The following SGCZ variants were observed in gnomAD, a reference collection of about 807,000 sequenced individuals.
SGCZ encodes the protein zeta-sarcoglycan.
SGCZ carries 40 observed loss-of-function variants against 41.3 expected under a neutral mutation model. That is an observed-to-expected ratio of 0.97 (90% CI 0.75 to 1.26). The LOEUF (loss-of-function observed/expected upper bound fraction) is 1.26. Ranked by LOEUF, SGCZ falls within the 50% of genes most tolerant of loss-of-function variation. The pLI, the probability that SGCZ is intolerant of heterozygous loss-of-function variation, is 0.00. For synonymous variants in SGCZ, 206 were observed against 137.5 expected, an observed-to-expected ratio of 1.50 and a Z score of -3.49; for missense variants, 552 against 369.8, an observed-to-expected ratio of 1.49 and a Z score of -4.04.
At chr8:15,086,761 G>T (rs1188175019) in intron 1 of SGCZ, among the ~76,000 whole-genome samples, 1 of 151,886 alleles carries the variant, frequency 6.6e-6, no homozygotes, top group Non-Finnish European at 1.5e-5. Context: ...CAAATATAAG[G>T]ATTCTTTACA....
intron 1 of SGCZ, among the ~76,000 whole-genome samples, chr8:14,634,026 T>C (rs1806746227): frequency 1.3e-5 from 2 of 151,878 alleles, no homozygotes; most frequent in Non-Finnish European, 2.9e-5. Context: ...TTTCCAGAAA[T>C]CTTGACAAAG....
intron 1 of SGCZ, among the ~76,000 whole-genome samples, chr8:15,019,456 CT>C (rs1428479782): frequency 1.3e-5 from 2 of 152,096 alleles, no homozygotes; most frequent in Admixed American, 6.5e-5. Context: ...AATTGTGCAG[CT>C]CTCTTTCCTC....
chr8:14,739,485 T>G (rs535685282), intron 1 of SGCZ, among the ~76,000 whole-genome samples: 1 of 152,200 alleles, frequency 6.6e-6, no homozygotes, highest in African/African-American at 2.4e-5. Flanking sequence ...CATTTTGGAA[T>G]ATAGAGTTTA....
intron 2 of SGCZ, among the ~76,000 whole-genome samples, chr8:14,553,061 A>G (rs932059573): frequency 3.9e-5 from 6 of 152,056 alleles, no homozygotes; most frequent in Non-Finnish European, 8.8e-5. Flanking sequence ...AGCAACTGAT[A>G]GTCTGGTTGC....
chr8:14,964,286 T>C (rs1034204306), intron 1 of SGCZ, among the ~76,000 whole-genome samples: 3 of 152,208 alleles, frequency 2.0e-5, no homozygotes, highest in Non-Finnish European at 4.4e-5. Flanking sequence ...TGTTCTGTCA[T>C]ATCACAAGAC....
intron 2 of SGCZ, among the ~76,000 whole-genome samples, chr8:14,447,372 T>C (rs1800462625): frequency 6.6e-6 from 1 of 152,166 alleles, no homozygotes; most frequent in African/African-American, 2.4e-5. Flanking sequence ...AATATGTTAC[T>C]TGGGTAAAAA....
intron 2 of SGCZ, among the ~76,000 whole-genome samples, chr8:14,366,853 C>T (rs1473991128): frequency 6.6e-6 from 1 of 152,096 alleles, no homozygotes; most frequent in African/African-American, 2.4e-5. Context: ...CCTTTTTTCC[C>T]TCCTAGGCCT....
At chr8:14,934,548 G>C (rs1455208876) in intron 1 of SGCZ, among the ~76,000 whole-genome samples, 1 of 151,592 alleles carries the variant, frequency 6.6e-6, no homozygotes, top group African/African-American at 2.4e-5. Context: ...AAAATACGAA[G>C]ACTACATTTC....
intron 1 of SGCZ, among the ~76,000 whole-genome samples, chr8:14,598,533 CTT>C (rs113843453): frequency 2.7e-5 from 4 of 148,070 alleles, no homozygotes; most frequent in African/African-American, 9.9e-5. Flanking sequence ...ATATACATAG[CTT>C]TTTTTTTTCC....
chr8:14,458,662 T>C (rs149429845), intron 2 of SGCZ, among the ~76,000 whole-genome samples: 3 of 152,288 alleles, frequency 2.0e-5, no homozygotes, highest in Non-Finnish European at 4.4e-5. Flanking sequence ...GATCTCTATC[T>C]AGCAACATAT....
intron 2 of SGCZ, among the ~76,000 whole-genome samples, chr8:14,327,250 A>G (rs1308062446): frequency 6.6e-6 from 1 of 152,218 alleles, no homozygotes; most frequent in Non-Finnish European, 1.5e-5. Flanking sequence ...TAAGACTTAC[A>G]GAACACCCCA....
chr8:14,973,413 T>C (rs2130867738), intron 1 of SGCZ, among the ~76,000 whole-genome samples: 1 of 152,284 alleles, frequency 6.6e-6, no homozygotes, highest in African/African-American at 2.4e-5. Flanking sequence ...AGTGGGCCCA[T>C]GCTTTTCTCA....
intron 1 of SGCZ, among the ~76,000 whole-genome samples, chr8:14,724,289 G>A (rs978014148): frequency 6.6e-6 from 1 of 151,354 alleles, no homozygotes; most frequent in Non-Finnish European, 1.5e-5. Flanking sequence ...ACATATATGT[G>A]TACATACATA....
chr8:14,784,407 T>C (rs1800687139), intron 1 of SGCZ, among the ~76,000 whole-genome samples: 1 of 63,166 alleles, frequency 1.6e-5, no homozygotes, highest in Admixed American at 1.6e-4. Flanking sequence ...GTCACATATA[T>C]CAGAAAAAAA....
At chr8:15,089,983 C>T (rs904505613) in intron 1 of SGCZ, among the ~76,000 whole-genome samples, 3 of 152,176 alleles carry the variant, frequency 2.0e-5, no homozygotes, top group African/African-American at 7.2e-5. Context: ...ATCAGATCAT[C>T]TAAATTCAAA....
In SGCZ at chr8:14,588,200, G is replaced by GA. The variant is rs34495643; in HGVS notation, c.40-33275dup. On this transcript the variant is annotated intron_variant, in intron 1 of 7. Transcript: ENST00000382080. ...AGGAATAGCCATTGATTACCCAGAA[G>GA]AAAAAAAAAAAAACTGCCTCATCCA... 6.1e-3 allele frequency among the ~76,000 whole-genome samples: 895 copies of GA among 145,792 alleles called. 12 individuals carry two copies. Among genetic ancestry groups the GA allele is most frequent in the African/African-American group, 0.021 (821 of 40,034 alleles).
chr8:14,496,059 G>C (rs1801978572), intron 2 of SGCZ, among the ~76,000 whole-genome samples: 1 of 152,056 alleles, frequency 6.6e-6, no homozygotes, highest in Non-Finnish European at 1.5e-5. Flanking sequence ...TGGTCTCCTA[G>C]TACTTATTTA....
chr8:14,181,400 T>C (rs988447013), intron 4 of SGCZ, among the ~76,000 whole-genome samples: 10 of 152,178 alleles, frequency 6.6e-5, no homozygotes, highest in Non-Finnish European at 1.2e-4. Context: ...TAAAAAGAAA[T>C]AGTAATACAA....
At chr8:14,322,060 A>G (rs1009669782) in intron 3 of SGCZ, among the ~76,000 whole-genome samples, 2 of 152,156 alleles carry the variant, frequency 1.3e-5, no homozygotes, top group Non-Finnish European at 1.5e-5. Flanking sequence ...TCTTTATTTT[A>G]AATATTTATC....
Sources: gnomAD v4.1 joint callset for allele counts (sites outside exome capture counted in the v4.1 genomes callset) on GRCh38, gnomAD v4.1.1 for gene constraint, MANE v1.5 for transcripts, NCBI Gene and HGNC (gene_info 2026-07-23, HGNC 2026-07-21) for gene names.